Variants in CFAP53 observed in about 807,000 individuals in gnomAD.
CFAP53 encodes the protein cilia- and flagella-associated protein 53.
A neutral mutation model predicts 59.7 loss-of-function variants in CFAP53; 62 were observed. The ratio of observed to expected loss-of-function variants is 1.04; its 90% CI spans 0.85 to 1.28. The LOEUF is 1.28. Among genes scored for constraint, CFAP53 ranks in the 50% most tolerant of loss-of-function variants. The pLI is 0.00. For synonymous variants in CFAP53, 218 were observed against 205.7 expected (o/e 1.06, Z -0.51); for missense variants, 629 against 615.6 (o/e 1.02, Z -0.23).
At chr18:50,266,213 C>A in intron 1 of CFAP53, 123 bp downstream of exon 1, 1 of 841,848 alleles carries the variant, frequency 1.2e-6, no homozygotes, top group Non-Finnish European at 2.0e-6. Context: ...CAACCCACTG[C>A]ATCAGGCGAC....
intron 7 of CFAP53, among the ~76,000 whole-genome samples, chr18:50,237,147 A>G (rs1209096273): frequency 6.7e-6 from 1 of 150,148 alleles, no homozygotes; most frequent in African/African-American, 2.4e-5. Flanking sequence ...TCTACTAAAA[A>G]TAATAAAAAT....
At chr18:50,249,483 A>C (rs1020083386) in intron 5 of CFAP53, among the ~76,000 whole-genome samples, 15 of 151,750 alleles carry the variant, frequency 9.9e-5, no homozygotes, top group African/African-American at 3.6e-4. Context: ...ACACCACTGC[A>C]CTCCAGCCTG....
intron 6 of CFAP53, among the ~76,000 whole-genome samples, chr18:50,240,267 CCT>C (rs1031036877): frequency 1.1e-4 from 17 of 151,996 alleles, no homozygotes; most frequent in African/African-American, 3.6e-4. Flanking sequence ...CCTACCCCAC[CCT>C]GATTCATTCA....
rs2033837266 is a variant in CFAP53 at position 50,255,332 on chromosome 18, A to G, written c.474-3548T>C. On this transcript the variant is annotated intron_variant, in intron 3 of 7. Coordinates refer to ENST00000398545, the MANE Select transcript of CFAP53 (RefSeq NM_145020.5). ...ACTCTAGAAGAGTAACATGAAGGAG[A>G]TTTTTGCAGTGATGGAATAGTTCTG... 2.6e-5 allele frequency among the ~76,000 whole-genome samples: 4 copies of G among 152,034 alleles called. No homozygotes were observed. In the South Asian group the frequency reaches 8.3e-4, roughly 32 times the overall value.
chr18:50,249,110 G>A lies in CFAP53; in HGVS notation c.996+1648C>T, dbSNP rs112970321. On this transcript the variant is annotated intron_variant, in intron 5 of 7. Transcript: ENST00000398545. Reference sequence around the variant, plus strand: ...CCCAGCTACTCGGGAGGCTGAGACAGGAAAAGCGCTTGAACCCATGAGGCG... The same window carrying A: ...CCCAGCTACTCGGGAGGCTGAGACAAGAAAAGCGCTTGAACCCATGAGGCG... Among the ~76,000 whole-genome samples the A allele has an allele frequency of 6.3e-3, 956 of 150,750 alleles. 7 individuals carry two copies. Among genetic ancestry groups the A allele is most frequent in the African/African-American group, 0.022 (902 of 40,942 alleles).
chr18:50,230,132 G>C (rs1049049392), intron 7 of CFAP53, among the ~76,000 whole-genome samples: 1 of 152,138 alleles, frequency 6.6e-6, no homozygotes, highest in Non-Finnish European at 1.5e-5. Context: ...AATTATATTT[G>C]ATCTTTGTTC....
intron 4 of CFAP53, 107 bp from the exon 5 acceptor site, chr18:50,251,083 C>T (rs2033794649): frequency 1.1e-6 from 1 of 923,486 alleles, no homozygotes; most frequent in Non-Finnish European, 1.7e-6. Context: ...AATACACACA[C>T]ACCTGGATTT....
chr18:50,262,129 T>C lies in CFAP53; in HGVS notation c.160A>G (p.Ile54Val). Residue 54 changes from isoleucine to valine, a missense_variant, in exon 2 of 8, where the codon ATT becomes GTT. Transcript: ENST00000398545. ...HQKHNAILAS[I>V]KSSERDRLKA... is the part of the protein sequence containing the mutation. ...AAGCGATCCCGCTCACTTGACTTAA[T>C]GGAAGCCAAAATAGCATTATGCTTC... 3 of 1,614,232 alleles carry C rather than the reference T, an allele frequency of 1.9e-6. No homozygotes were observed. Among genetic ancestry groups the C allele is most frequent in the South Asian group, 1.1e-5 (1 of 91,084 alleles).
intron 4 of CFAP53, 112 bp from the exon 5 acceptor site, chr18:50,251,088 G>C (rs941910254): frequency 8.0e-6 from 7 of 878,326 alleles, no homozygotes; most frequent in African/African-American, 1.7e-5. Flanking sequence ...ACACACACCT[G>C]GATTTAGAGA....
At chr18:50,261,783 TAATGA>T (rs888288263) in intron 2 of CFAP53, among the ~76,000 whole-genome samples, 52 of 152,256 alleles carry the variant, frequency 3.4e-4, no homozygotes, top group African/African-American at 1.2e-3. Context: ...TCAATCAAAA[TAATGA>T]AATATGAAAC....
intron 5 of CFAP53, among the ~76,000 whole-genome samples, chr18:50,246,344 C>A (rs2033744530): frequency 6.6e-6 from 1 of 152,074 alleles, no homozygotes; most frequent in Non-Finnish European, 1.5e-5. Context: ...TGATTTTTGA[C>A]AAGGGTGATA....
At chr18:50,245,748 T>C (rs2033737781) in intron 5 of CFAP53, among the ~76,000 whole-genome samples, 1 of 152,218 alleles carries the variant, frequency 6.6e-6, no homozygotes, top group Non-Finnish European at 1.5e-5. Flanking sequence ...TTTGCAGGAA[T>C]TGACAAGCTG....
chr18:50,262,599 G>A (rs914855980), intron 1 of CFAP53, among the ~76,000 whole-genome samples: 7 of 152,156 alleles, frequency 4.6e-5, no homozygotes, highest in Admixed American at 3.9e-4. Flanking sequence ...TCTAATTCCC[G>A]ACCTTGACAT....
At chr18:50,261,296 G>A (rs972344413) in intron 2 of CFAP53, 59 bp from the exon 3 acceptor site, 44 of 1,412,936 alleles carry the variant, frequency 3.1e-5, no homozygotes, top group Non-Finnish European at 3.7e-5. Flanking sequence ...TACATGCATC[G>A]TTATATTCAA....
intron 5 of CFAP53, among the ~76,000 whole-genome samples, chr18:50,249,838 G>A (rs1477529395): frequency 2.0e-5 from 3 of 152,126 alleles, no homozygotes; most frequent in Non-Finnish European, 2.9e-5. Context: ...AGTTTTGCAA[G>A]ATATTACCAT....
chr18:50,251,459 A>G, intron 4 of CFAP53, 22 bp downstream of exon 4: 3 of 1,602,002 alleles, frequency 1.9e-6, no homozygotes, highest in Non-Finnish European at 2.6e-6. Context: ...ATCACCCTCT[A>G]ACAAGCATTT....
At position 50,227,524 on chromosome 18, in the gene CFAP53, C is replaced by T. The variant is rs769890324; in HGVS notation, c.1402G>A (p.Glu468Lys). The change falls in exon 8 of 8, where the codon GAG (glutamate) becomes AAG (lysine). Residue 468 changes from glutamate (E) to lysine (K), a missense_variant. Transcript: ENST00000398545. ...QQQSQEAEKE[E>K]KRREFEAGVA... ...CCTGCTTCAAACTCTCGGCGTTTCT[C>T]TTCCTTCTCTGCTTCTTGGGACTGC... 1 of 1,614,076 alleles carries T rather than the reference C, an allele frequency of 6.2e-7. No homozygotes were observed. Among genetic ancestry groups the T allele is most frequent in the Admixed American group, 1.7e-5 (1 of 60,008 alleles).
chr18:50,249,332 G>C lies in CFAP53; in HGVS notation c.996+1426C>G, dbSNP rs1466031377. 3.3e-5 allele frequency among the ~76,000 whole-genome samples: 5 copies of C among 151,838 alleles called. No homozygotes were observed. In the South Asian group the frequency reaches 1.0e-3, roughly 32 times the overall value. On this transcript the variant is annotated intron_variant, in intron 5 of 7. Transcript: ENST00000398545. ...CAGGAGTTCAAGACCAGCCTGGGCA[G>C]CATAGTGAGACCCCATCTCTACAAA...
intron 6 of CFAP53, among the ~76,000 whole-genome samples, chr18:50,238,953 C>T (rs900088001): frequency 6.6e-6 from 1 of 151,654 alleles, no homozygotes; most frequent in Non-Finnish European, 1.5e-5. Flanking sequence ...CTTTTTCATA[C>T]CAGATTACTA....
Sources: gnomAD v4.1 joint callset for allele counts (sites outside exome capture counted in the v4.1 genomes callset) on GRCh38, gnomAD v4.1.1 for gene constraint, MANE v1.5 for transcripts, NCBI Gene and HGNC (gene_info 2026-07-23, HGNC 2026-07-21) for gene names.